The following PGM5 variants were observed in gnomAD, a reference collection of about 807,000 sequenced individuals.
PGM5 encodes the protein phosphoglucomutase 5.
In PGM5, 23 loss-of-function variants were observed where a neutral mutation model predicts 59.2. The observed-to-expected ratio is 0.39, with a 90% CI of 0.28 to 0.55. The LOEUF is 0.55. Among genes scored for constraint, PGM5 ranks in the 20% least tolerant of loss-of-function variants. The pLI is 0.66. For missense variants in PGM5, 574 were observed against 748.3 expected (o/e 0.77, Z 2.72); for synonymous variants, 214 against 286.0 (o/e 0.75, Z 2.54).
At chr9:68,358,824 T>C (rs540440588) in intron 1 of PGM5, among the ~76,000 whole-genome samples, 1 of 152,186 alleles carries the variant, frequency 6.6e-6, no homozygotes, top group Non-Finnish European at 1.5e-5. Context: ...AGTGGAATTG[T>C]GATTTTTGAC....
chr9:68,418,276 T>A (rs889922228), intron 6 of PGM5, among the ~76,000 whole-genome samples: 1 of 152,182 alleles, frequency 6.6e-6, no homozygotes, highest in African/African-American at 2.4e-5. Flanking sequence ...TTGTTGTATT[T>A]ACTCTGTGGA....
chr9:68,362,643 C>A (rs1487172009), intron 1 of PGM5, among the ~76,000 whole-genome samples: 10 of 152,088 alleles, frequency 6.6e-5, no homozygotes, highest in Admixed American at 6.5e-4. Context: ...TGGTTTAGAT[C>A]TTCTATGTGT....
intron 6 of PGM5, among the ~76,000 whole-genome samples, chr9:68,419,162 T>G (rs1254077285): frequency 6.6e-5 from 10 of 152,240 alleles, no homozygotes; most frequent in African/African-American, 2.4e-4. Context: ...TAGCTGATTA[T>G]TAATTTTTAA....
intron 6 of PGM5, among the ~76,000 whole-genome samples, chr9:68,461,847 C>A (rs1554685432): frequency 1.3e-5 from 2 of 151,848 alleles, no homozygotes; most frequent in Non-Finnish European, 2.9e-5. Flanking sequence ...GGTCTTCAGG[C>A]AACTTGAAGT....
intron 10 of PGM5, among the ~76,000 whole-genome samples, chr9:68,502,613 C>T (rs1824594826): frequency 6.6e-6 from 1 of 152,232 alleles, no homozygotes; most frequent in Non-Finnish European, 1.5e-5. Flanking sequence ...CACCCGATCT[C>T]ACCCCAGTCC....
chr9:68,529,696 C>A lies in PGM5; in HGVS notation c.*40C>A. 1 of 1,287,564 alleles carries A rather than the reference C, an allele frequency of 7.8e-7. No individual in the cohort carries two copies. Among genetic ancestry groups the A allele is most frequent in the Non-Finnish European group, 1.1e-6 (1 of 918,292 alleles). The allele number at this position is 1,287,564 out of a possible 1,614,324, so 79.8% of individuals were successfully genotyped here. On this transcript the variant is annotated 3_prime_UTR_variant, in exon 11 of 11. Transcript: ENST00000396396. ...ACTCACCAGGGCCAAAGAGAGTGCT[C>A]AGCGGGAGATGCTTCACTGATGCCT...
chr9:68,470,372 C>G (rs1421380951), intron 7 of PGM5, among the ~76,000 whole-genome samples: 2 of 152,148 alleles, frequency 1.3e-5, no homozygotes, highest in African/African-American at 4.8e-5. Context: ...TGAATGAGCA[C>G]TTTATTTCCC....
intron 6 of PGM5, among the ~76,000 whole-genome samples, chr9:68,454,593 T>C (rs1823744454): frequency 6.6e-6 from 1 of 152,192 alleles, no homozygotes; most frequent in Non-Finnish European, 1.5e-5. Context: ...CCAGGCCTCA[T>C]CGCATTTAGT....
At position 68,469,963 on chromosome 9, in the gene PGM5, T is replaced by A. The variant is rs538344393; in HGVS notation, c.1159+4755T>A. 7.9e-4 allele frequency among the ~76,000 whole-genome samples: 120 copies of A among 152,294 alleles called. 1 individual carries two copies. Among genetic ancestry groups the A allele is most frequent in the African/African-American group, 2.7e-3 (113 of 41,564 alleles). On this transcript the variant is annotated intron_variant, in intron 7 of 10. Transcript: ENST00000396396. The stretch of plus-strand genomic sequence containing the variant: ...GTATCCCAAGATTTGGGAAGATTTA[T>A]AAAACAAAATCACACAAATACAGAC...
At chr9:68,515,517 T>C (rs1207893082) in intron 10 of PGM5, among the ~76,000 whole-genome samples, 1 of 152,252 alleles carries the variant, frequency 6.6e-6, no homozygotes, top group Non-Finnish European at 1.5e-5. Flanking sequence ...CTATGATGTC[T>C]GTTCCTTCTG....
At chr9:68,524,334 A>C (rs1032612699) in intron 10 of PGM5, among the ~76,000 whole-genome samples, 8 of 152,226 alleles carry the variant, frequency 5.3e-5, no homozygotes, top group Non-Finnish European at 1.0e-4. Context: ...GTCTACATTA[A>C]TGGACAGCAA....
At chr9:68,446,799 T>C (rs1823618644) in intron 6 of PGM5, among the ~76,000 whole-genome samples, 1 of 152,228 alleles carries the variant, frequency 6.6e-6, no homozygotes, top group East Asian at 1.9e-4. Flanking sequence ...CAAGTGTGTG[T>C]TCTGTTCCAC....
chr9:68,388,638 A>C (rs1474936872), intron 4 of PGM5, among the ~76,000 whole-genome samples: 2 of 152,066 alleles, frequency 1.3e-5, no homozygotes, highest in African/African-American at 2.4e-5. Context: ...TGTATTGTAT[A>C]TCTGAAAAGG....
intron 1 of PGM5, among the ~76,000 whole-genome samples, chr9:68,372,849 C>T (rs1208617144): frequency 6.6e-6 from 1 of 152,016 alleles, no homozygotes; most frequent in African/African-American, 2.4e-5. Flanking sequence ...GAGAAGGTGC[C>T]ACATACTTTT....
At chr9:68,377,790 A>G (rs1298613133) in intron 1 of PGM5, among the ~76,000 whole-genome samples, 3 of 152,264 alleles carry the variant, frequency 2.0e-5, no homozygotes, top group South Asian at 2.1e-4. Context: ...TCTAAGTTAC[A>G]GGAAGCAGAA....
In PGM5 at chr9:68,484,060, G is replaced by C; in HGVS notation, c.1479+12G>C. ...TGACCAAGAAACAGGTACTTGCTAG[G>C]AAATCACTACAACGGGTTATCAGGC... is the stretch of plus-strand genomic sequence containing the variant. On this transcript the variant is annotated intron_variant, in intron 9 of 10. Transcript: ENST00000396396. 1 of 1,611,046 alleles carries C rather than the reference G, an allele frequency of 6.2e-7. No individual in the cohort carries two copies. Among genetic ancestry groups the C allele is most frequent in the Non-Finnish European group, 8.5e-7 (1 of 1,178,514 alleles).
intron 6 of PGM5, among the ~76,000 whole-genome samples, chr9:68,441,572 T>C (rs1418116564): frequency 6.6e-6 from 1 of 152,120 alleles, no homozygotes; most frequent in Non-Finnish European, 1.5e-5. Flanking sequence ...TCAACATCCA[T>C]TCAAACTAGG....
intron 10 of PGM5, among the ~76,000 whole-genome samples, chr9:68,501,211 C>T (rs1554688641): frequency 2.6e-5 from 4 of 152,114 alleles, no homozygotes; most frequent in East Asian, 1.9e-4. Context: ...AGACCTGGCT[C>T]GATGGGCCCC....
At chr9:68,491,024 A>G (rs2132098884) in intron 9 of PGM5, among the ~76,000 whole-genome samples, 1 of 152,344 alleles carries the variant, frequency 6.6e-6, no homozygotes, top group African/African-American at 2.4e-5. Context: ...AACTTAGTCT[A>G]ATATGGTGAA....
Sources: allele counts gnomAD v4.1 joint callset (sites outside exome capture counted in the v4.1 genomes callset), GRCh38; gene constraint gnomAD v4.1.1; transcripts MANE v1.5; gene names NCBI Gene and HGNC (gene_info 2026-07-23, HGNC 2026-07-21).